Variants in IFT81 observed in about 807,000 individuals in gnomAD.
IFT81 encodes the protein intraflagellar transport protein 81 homolog.
IFT81 carries 72 observed loss-of-function variants against 102.6 expected under a neutral mutation model. The observed-to-expected ratio is 0.70, with a 90% CI of 0.58 to 0.85. IFT81 has a LOEUF of 0.85. IFT81 is among the 40% of genes least tolerant of loss of function. The pLI, the probability that IFT81 is intolerant of heterozygous loss-of-function variation, is 0.00. For synonymous variants in IFT81, 237 were observed against 242.7 expected (o/e 0.98, Z 0.22); for missense variants, 723 against 787.3 (o/e 0.92, Z 0.98).
rs552032655 is a variant in IFT81 at position 110,170,784 on chromosome 12, T to G, written c.1188+7719T>G. ...GACCATCACAAGAAGCTCAGCTGTT[T>G]TGTAGTTACAGCTACTTTTAAAATA... On this transcript the variant is annotated intron_variant, in intron 11 of 18. Transcript: ENST00000242591. Among the ~76,000 whole-genome samples, 38 of 152,346 alleles carry G rather than the reference T, an allele frequency of 2.5e-4. No individual in the cohort carries two copies. In the South Asian group the frequency reaches 6.0e-3, roughly 24 times the overall value.
intron 9 of IFT81, among the ~76,000 whole-genome samples, chr12:110,146,056 C>T (rs552817187): frequency 1.3e-5 from 2 of 151,984 alleles, no homozygotes; most frequent in Non-Finnish European, 1.5e-5. Flanking sequence ...AGATGATGCA[C>T]CCGCCTCAGC....
At chr12:110,155,651 T>C (rs1895799751) in intron 10 of IFT81, among the ~76,000 whole-genome samples, 1 of 152,208 alleles carries the variant, frequency 6.6e-6, no homozygotes, top group Non-Finnish European at 1.5e-5. Context: ...AATCACTGTC[T>C]TTTAATTAGA....
At chr12:110,167,840 T>C in intron 11 of IFT81, 1 of 312,282 alleles carries the variant, frequency 3.2e-6, no homozygotes, top group South Asian at 2.6e-5. Context: ...TTTTTTTATT[T>C]AGGTTTCTTT....
At chr12:110,179,773 T>TATATATATACACAC (rs774113734) in intron 11 of IFT81, among the ~76,000 whole-genome samples, 1 of 50,486 alleles carries the variant, frequency 2.0e-5, no homozygotes, top group African/African-American at 5.5e-5. Flanking sequence ...TATATATATA[T>TATATATATACACAC]ACACACACAC....
chr12:110,147,143 A>G, intron 10 of IFT81, 95 bp downstream of exon 10: 3 of 934,570 alleles, frequency 3.2e-6, no homozygotes, highest in Non-Finnish European at 4.7e-6. Context: ...AGAAGGAAGT[A>G]GAGAATAAAT....
rs1897846397 is a variant in IFT81, at chr12:110,192,619, GA to G, written c.1476del (p.Lys492AsnfsTer17). ...RTLDDMSEMV[K>X]KLYSLVSEKK... ...TATATTTTTTGTTCAAATAACAGGT[GA>G]AAAAACTGTATTCATTGGTATCTGA... On this transcript the variant is annotated frameshift_variant, in exon 14 of 19. Transcript: ENST00000242591. LOFTEE classifies it high-confidence loss of function. 2 of 1,534,790 alleles carry G rather than the reference GA, an allele frequency of 1.3e-6. No homozygotes were observed. The highest frequency in any genetic ancestry group is 1.8e-6 in the Non-Finnish European group (2 of 1,133,384).
At chr12:110,137,230 C>T (rs529660089) in intron 8 of IFT81, among the ~76,000 whole-genome samples, 2 of 152,332 alleles carry the variant, frequency 1.3e-5, no homozygotes, top group East Asian at 1.9e-4. Flanking sequence ...ATCCCAGCTA[C>T]TCAGGGGGCT....
At chr12:110,179,759 TATATATATATATATAC>T (rs1897223847) in intron 11 of IFT81, among the ~76,000 whole-genome samples, 2 of 64,974 alleles carry the variant, frequency 3.1e-5, no homozygotes, top group Non-Finnish European at 5.5e-5. Flanking sequence ...TATATATATA[TATATATATATATATAC>T]ACACACACAC....
At chr12:110,134,896 C>T in intron 5 of IFT81, 52 bp from the exon 6 acceptor site, 4 of 1,334,914 alleles carry the variant, frequency 3.0e-6, no homozygotes, top group Non-Finnish European at 4.3e-6. Context: ...TTATCTGTTT[C>T]CTACAGACTG....
At chr12:110,195,593 T>C (rs1897965427) in intron 14 of IFT81, among the ~76,000 whole-genome samples, 1 of 152,192 alleles carries the variant, frequency 6.6e-6, no homozygotes, top group African/African-American at 2.4e-5. Context: ...ATTTCTATCT[T>C]GTCACTGCAT....
rs180726221 is a variant in IFT81 at position 110,129,270 on chromosome 12, C to T, written c.429+140C>T. 1.9e-5 allele frequency: 11 copies of T among 578,788 alleles called. No individual in the cohort carries two copies. The East Asian group carries it at 3.1e-4, about 16-fold the overall frequency. The allele number at this position is 578,788 out of a possible 1,614,324, so 35.9% of individuals were successfully genotyped here. ...AGATAAAACTGTATCAGCTAATGTT[C>T]AACTATGGCCACATCTCAAGATAAT... On this transcript the variant is annotated intron_variant, in intron 4 of 18. Coordinates refer to ENST00000242591, the MANE Select transcript of IFT81 (RefSeq NM_014055.4).
intron 9 of IFT81, among the ~76,000 whole-genome samples, chr12:110,146,375 CATT>C (rs1408090844): frequency 6.6e-6 from 1 of 152,142 alleles, no homozygotes; most frequent in Non-Finnish European, 1.5e-5. Context: ...GTTCATGAAT[CATT>C]GTAATAAATC....
intron 11 of IFT81, among the ~76,000 whole-genome samples, chr12:110,178,595 C>A (rs1002283660): frequency 6.8e-6 from 1 of 146,640 alleles, no homozygotes; most frequent in Non-Finnish European, 1.5e-5. Context: ...CTTTAAGAAG[C>A]ACTGGACATT....
At chr12:110,141,689 G>C (rs1894900748) in intron 8 of IFT81, among the ~76,000 whole-genome samples, 1 of 152,036 alleles carries the variant, frequency 6.6e-6, no homozygotes. Flanking sequence ...AGACCAGCCT[G>C]GCCTTAACAT....
At chr12:110,126,204 G>A (rs1401518409) in intron 1 of IFT81, among the ~76,000 whole-genome samples, 1 of 151,902 alleles carries the variant, frequency 6.6e-6, no homozygotes, top group East Asian at 1.9e-4. Flanking sequence ...CTTGAACCTG[G>A]GAGGCGGAGC....
chr12:110,170,875 G>A (rs943186118), intron 11 of IFT81, among the ~76,000 whole-genome samples: 2 of 152,166 alleles, frequency 1.3e-5, no homozygotes, highest in African/African-American at 4.8e-5. Flanking sequence ...TACAGCTACT[G>A]ACAAATCTTA....
chr12:110,177,988 G>A (rs945158455), intron 11 of IFT81, among the ~76,000 whole-genome samples: 1 of 151,590 alleles, frequency 6.6e-6, no homozygotes, highest in African/African-American at 2.4e-5. Flanking sequence ...CCAGCTACCC[G>A]GGAGGCCGAG....
intron 10 of IFT81, among the ~76,000 whole-genome samples, chr12:110,153,325 C>G (rs954329117): frequency 4.0e-5 from 6 of 151,724 alleles, no homozygotes; most frequent in South Asian, 2.1e-4. Context: ...ACCTCCGCCT[C>G]CCAGGTTTAA....
intron 11 of IFT81, among the ~76,000 whole-genome samples, chr12:110,174,754 C>G (rs932437217): frequency 6.6e-6 from 1 of 152,148 alleles, no homozygotes; most frequent in Non-Finnish European, 1.5e-5. Flanking sequence ...AGATTCTGAT[C>G]ATTACTCTTA....
Sources: gnomAD v4.1 joint callset for allele counts (sites outside exome capture counted in the v4.1 genomes callset) on GRCh38, gnomAD v4.1.1 for gene constraint, MANE v1.5 for transcripts, NCBI Gene and HGNC (gene_info 2026-07-23, HGNC 2026-07-21) for gene names.